The following CDH4 variants were observed in gnomAD, a reference collection of about 807,000 sequenced individuals.
The protein encoded by CDH4 is cadherin-4.
A neutral mutation model predicts 86.0 loss-of-function variants in CDH4; 33 were observed. The ratio of observed to expected loss-of-function variants is 0.38; its 90% CI spans 0.29 to 0.51. CDH4 has a LOEUF of 0.51. Ranked by LOEUF, CDH4 falls within the 20% of genes least tolerant of loss-of-function variation. CDH4 has a pLI of 0.86. For missense variants in CDH4, 1,114 were observed against 1,307.4 expected, an observed-to-expected ratio of 0.85 and a Z score of 2.28; for synonymous variants, 555 against 549.4, an observed-to-expected ratio of 1.01 and a Z score of -0.14.
In CDH4 at chr20:61,892,252, A is replaced by C. The variant is rs190392823; in HGVS notation, c.1051-2658A>C. 3.3e-3 allele frequency among the ~76,000 whole-genome samples: 501 copies of C among 152,242 alleles called. 3 individuals carry two copies. Among genetic ancestry groups the C allele is most frequent in the Middle Eastern group, 0.01 (3 of 294 alleles). ...AGACTGTCCAGACACCTTATGGAGC[A>C]CCCAGGCCCCTCTGTCATTCCTCAG... is the stretch of plus-strand genomic sequence containing the variant. On this transcript the variant is annotated intron_variant, in intron 7 of 15. Coordinates refer to ENST00000614565, the MANE Select transcript of CDH4 (RefSeq NM_001794.5).
chr20:61,774,402 A>G (rs2145988659), intron 4 of CDH4, among the ~76,000 whole-genome samples: 1 of 152,352 alleles, frequency 6.6e-6, no homozygotes. Context: ...TGCCAATGGC[A>G]GTGCCGTGGC....
intron 7 of CDH4, among the ~76,000 whole-genome samples, chr20:61,885,833 G>C (rs369250449): frequency 2.6e-5 from 4 of 152,350 alleles, no homozygotes; most frequent in African/African-American, 9.6e-5. Flanking sequence ...GCAGGACCCA[G>C]ATCTCTGTCT....
At chr20:61,367,077 C>T (rs1207158101) in intron 2 of CDH4, among the ~76,000 whole-genome samples, 4 of 152,148 alleles carry the variant, frequency 2.6e-5, no homozygotes, top group African/African-American at 4.8e-5. Flanking sequence ...ACTACTCACT[C>T]GGGCAGATCC....
intron 8 of CDH4, among the ~76,000 whole-genome samples, chr20:61,896,137 C>T (rs1220075198): frequency 3.3e-5 from 5 of 152,230 alleles, no homozygotes; most frequent in African/African-American, 1.2e-4. Flanking sequence ...AGGTGCCCCT[C>T]GGGCACCAGG....
At chr20:61,766,544 C>T (rs944229061) in intron 3 of CDH4, among the ~76,000 whole-genome samples, 4 of 152,212 alleles carry the variant, frequency 2.6e-5, no homozygotes, top group Non-Finnish European at 4.4e-5. Flanking sequence ...ACCACATTCA[C>T]CCCACACCTG....
chr20:61,383,391 A>G (rs2084921094), intron 2 of CDH4, among the ~76,000 whole-genome samples: 1 of 104,146 alleles, frequency 9.6e-6, no homozygotes, highest in African/African-American at 4.5e-5. Flanking sequence ...ATATATGAAT[A>G]TATGATATAT....
intron 2 of CDH4, among the ~76,000 whole-genome samples, chr20:61,675,106 C>T (rs1450416905): frequency 6.6e-6 from 1 of 152,250 alleles, no homozygotes; most frequent in African/African-American, 2.4e-5. Flanking sequence ...GGGGCTAGGT[C>T]TGAGCGACGT....
intron 2 of CDH4, among the ~76,000 whole-genome samples, chr20:61,371,290 C>T (rs1217395836): frequency 6.6e-6 from 1 of 152,156 alleles, no homozygotes; most frequent in African/African-American, 2.4e-5. Flanking sequence ...GGCCATTTGC[C>T]CTCTTGCAGC....
At chr20:61,589,823 A>AC (rs1465474585) in intron 2 of CDH4, among the ~76,000 whole-genome samples, 180 of 150,782 alleles carry the variant, frequency 1.2e-3, no homozygotes, top group African/African-American at 4.1e-3. Flanking sequence ...TATAATAATA[A>AC]TTAAAAAAAA....
At chr20:61,315,763 G>A (rs1435640133) in intron 2 of CDH4, among the ~76,000 whole-genome samples, 5 of 152,220 alleles carry the variant, frequency 3.3e-5, no homozygotes, top group African/African-American at 4.8e-5. Flanking sequence ...GAGTGCAGTG[G>A]TGCGATCATA....
chr20:61,712,810 G>A (rs2087907676), intron 2 of CDH4, among the ~76,000 whole-genome samples: 1 of 152,210 alleles, frequency 6.6e-6, no homozygotes, highest in South Asian at 2.1e-4. Flanking sequence ...GTTCAGAGCT[G>A]GCCCCATGCC....
At chr20:61,649,112 A>C (rs2087094836) in intron 2 of CDH4, among the ~76,000 whole-genome samples, 1 of 152,258 alleles carries the variant, frequency 6.6e-6, no homozygotes, top group South Asian at 2.1e-4. Context: ...TGATGGTCAC[A>C]TATCTGACTA....
intron 2 of CDH4, among the ~76,000 whole-genome samples, chr20:61,605,996 C>G (rs6061664): frequency 0.74 from 112,124 of 151,958 alleles, 41,531 homozygotes; most frequent in Admixed American, 0.79. Flanking sequence ...TGGATGGACT[C>G]TGGAGCCAAA....
At chr20:61,382,879 C>T (rs1415534916) in intron 2 of CDH4, among the ~76,000 whole-genome samples, 1 of 149,998 alleles carries the variant, frequency 6.7e-6, no homozygotes, top group East Asian at 2.0e-4. Flanking sequence ...TGCAAAGACC[C>T]ATTTTTCCAA....
intron 2 of CDH4, among the ~76,000 whole-genome samples, chr20:61,604,682 G>A (rs889380870): frequency 2.8e-4 from 43 of 152,126 alleles, no homozygotes; most frequent in African/African-American, 9.9e-4. Flanking sequence ...GAGCACACGT[G>A]CACATGCATC....
chr20:61,894,143 G>A (rs1027127663), intron 7 of CDH4, among the ~76,000 whole-genome samples: 1 of 152,152 alleles, frequency 6.6e-6, no homozygotes, highest in Non-Finnish European at 1.5e-5. Context: ...CCACAAGCCT[G>A]TCCTCAGCTG....
At position 61,902,284 on chromosome 20, in the gene CDH4, G is replaced by A. The variant is rs1447577009; in HGVS notation, c.1188+7237G>A. On this transcript the variant is annotated intron_variant, in intron 8 of 15. Coordinates refer to ENST00000614565, the MANE Select transcript of CDH4 (RefSeq NM_001794.5). The surrounding 1 kb of genome is among the most constrained non-coding windows in gnomAD (Gnocchi z 4.6). ...GTCAAGCCGGGGCCTCTGAAACCAG[G>A]ACCCCCGGGGCCTCCATTCCAGGAG... Among the ~76,000 whole-genome samples, 1 of 152,210 alleles carries A rather than the reference G, an allele frequency of 6.6e-6. No homozygotes were observed. The highest frequency in any genetic ancestry group is 2.4e-5 in the African/African-American group (1 of 41,454).
chr20:61,859,382 G>C (rs183363570), intron 6 of CDH4, among the ~76,000 whole-genome samples: 2 of 152,166 alleles, frequency 1.3e-5, no homozygotes, highest in East Asian at 3.9e-4. Flanking sequence ...CTTTGCGAGC[G>C]AAAGTGTTTA....
chr20:61,320,847 G>A (rs1015292224), intron 2 of CDH4, among the ~76,000 whole-genome samples: 2 of 152,014 alleles, frequency 1.3e-5, no homozygotes, highest in African/African-American at 2.4e-5. Flanking sequence ...ACACGGCCAG[G>A]TGGCTGGAGG....
Sources: gnomAD v4.1 joint callset for allele counts (sites outside exome capture counted in the v4.1 genomes callset) on GRCh38, gnomAD v4.1.1 for gene constraint, Gnocchi (gnomAD v3.1) non-coding constraint, MANE v1.5 for transcripts, NCBI Gene and HGNC (gene_info 2026-07-23, HGNC 2026-07-21) for gene names.